SAMD13: variants seen among roughly 807,000 people sequenced by gnomAD.
SAMD13 encodes sterile alpha motif domain containing 13.
In SAMD13, 9 loss-of-function variants were observed where a neutral mutation model predicts 12.4. The ratio of observed to expected loss-of-function variants is 0.72; its 90% confidence interval spans 0.44 to 1.26. The LOEUF is 1.26. Ranked by LOEUF, SAMD13 falls within the 50% of genes most tolerant of loss-of-function variation. SAMD13 has a pLI of 0.00. For synonymous variants in SAMD13, 46 were observed against 45.4 expected (o/e 1.01, Z -0.05); for missense variants, 84 against 119.6 (o/e 0.70, Z 1.39).
At chr1:84,310,075 A>G (rs1363031905) in intron 2 of SAMD13, among the ~76,000 whole-genome samples, 1 of 152,208 alleles carries the variant, frequency 6.6e-6, no homozygotes, top group Non-Finnish European at 1.5e-5. Flanking sequence ...ACAGAAATAA[A>G]ATCTGAGCCG....
At chr1:84,339,332 G>C (rs1475834165) in intron 3 of SAMD13, among the ~76,000 whole-genome samples, 2 of 151,428 alleles carry the variant, frequency 1.3e-5, no homozygotes, top group Non-Finnish European at 2.9e-5. Flanking sequence ...TTCTTCTTCA[G>C]TCTTTGAAAT....
chr1:84,343,502 C>T (rs1679470933), intron 3 of SAMD13, among the ~76,000 whole-genome samples: 1 of 152,200 alleles, frequency 6.6e-6, no homozygotes, highest in Non-Finnish European at 1.5e-5. Flanking sequence ...GGTACATAGA[C>T]ACCATGGAAT....
At chr1:84,298,591 A>C, upstream of SAMD13, 1 of 1,284,540 alleles carries the variant, frequency 7.8e-7, no homozygotes, top group Non-Finnish European at 9.9e-7. Flanking sequence ...CTGTGCGCCC[A>C]GGGCGTGGGA....
intron 3 of SAMD13, among the ~76,000 whole-genome samples, chr1:84,338,452 T>TTTTTTTTTTTTTTTTTTTTTC (rs1365408385): frequency 6.8e-6 from 1 of 146,400 alleles, no homozygotes; most frequent in African/African-American, 2.6e-5. Context: ...TTTTTTTTTT[T>TTTTTTTTTTTTTTTTTTTTTC]TTTAAGATGG....
chr1:84,303,505 AAAGGTT>A (rs1350452782), intron 2 of SAMD13: 2 of 417,230 alleles, frequency 4.8e-6, no homozygotes, highest in African/African-American at 4.0e-5. Flanking sequence ...AATATATATG[AAAGGTT>A]TGTGTATCAG....
chr1:84,328,814 C>A (rs531428928), intron 3 of SAMD13, among the ~76,000 whole-genome samples: 3 of 152,104 alleles, frequency 2.0e-5, no homozygotes, highest in Non-Finnish European at 4.4e-5. Context: ...AAGGTCACAG[C>A]GCTGAGAAAC....
intron 3 of SAMD13, among the ~76,000 whole-genome samples, chr1:84,327,200 G>A (rs1469928066): frequency 6.6e-6 from 1 of 151,948 alleles, no homozygotes; most frequent in Non-Finnish European, 1.5e-5. Flanking sequence ...ACATCAATAG[G>A]AGAATGAATA....
intron 3 of SAMD13, among the ~76,000 whole-genome samples, chr1:84,327,540 T>G (rs1679084505): frequency 6.6e-6 from 1 of 152,112 alleles, no homozygotes; most frequent in African/African-American, 2.4e-5. Context: ...CATGGGTCAC[T>G]GCTTGCTAAT....
At chr1:84,345,767 C>T (rs1249327352) in intron 3 of SAMD13, among the ~76,000 whole-genome samples, 1 of 152,180 alleles carries the variant, frequency 6.6e-6, no homozygotes, top group Non-Finnish European at 1.5e-5. Context: ...TCACAAATAG[C>T]TTCAATTCAG....
chr1:84,333,853 A>T (rs1291986724), intron 3 of SAMD13, among the ~76,000 whole-genome samples: 1 of 152,100 alleles, frequency 6.6e-6, no homozygotes, highest in Non-Finnish European at 1.5e-5. Flanking sequence ...GATGAATCAC[A>T]TATATTGATC....
At chr1:84,325,804 C>T (rs1053897397) in intron 3 of SAMD13, 56 bp downstream of exon 3, 24 of 1,065,778 alleles carry the variant, frequency 2.3e-5, no homozygotes, top group Non-Finnish European at 3.5e-5. Context: ...CAGTTACCTC[C>T]CTTCCCAACA....
chr1:84,306,580 C>A (rs997008274), intron 2 of SAMD13, among the ~76,000 whole-genome samples: 2 of 140,436 alleles, frequency 1.4e-5, no homozygotes, highest in African/African-American at 2.6e-5. Flanking sequence ...GGGCAGATCA[C>A]TTGAGATCAA....
chr1:84,342,701 TAACTC>T (rs1679454970), intron 3 of SAMD13, among the ~76,000 whole-genome samples: 1 of 151,896 alleles, frequency 6.6e-6, no homozygotes, highest in South Asian at 2.1e-4. Context: ...TATACAAAAT[TAACTC>T]AAGATGGATT....
At chr1:84,313,345 C>T (rs569139435) in intron 2 of SAMD13, among the ~76,000 whole-genome samples, 14 of 152,054 alleles carry the variant, frequency 9.2e-5, no homozygotes, top group East Asian at 5.8e-4. Context: ...AACTTTGGTA[C>T]GTGACACACT....
In SAMD13 at chr1:84,325,724, G is replaced by A; in HGVS notation, c.141G>A (p.Glu47=). Residue 47 remains glutamate (E), a synonymous_variant, in exon 3 of 4, where the codon GAG becomes GAA. Coordinates refer to ENST00000394834, the MANE Select transcript of SAMD13 (RefSeq NM_001134663.2). ...ATTTCCGAACCGTGGGATTTGAGGA[G>A]CAAGCTAGTGCTTTTCAGGAACAGG... ...VNYFRTVGFE[E]QASAFQEQEI... 1 of 1,611,810 alleles carries A rather than the reference G, an allele frequency of 6.2e-7. No individual in the cohort carries two copies. The highest frequency in any genetic ancestry group is 8.5e-7 in the Non-Finnish European group (1 of 1,178,092).
At chr1:84,312,635 G>C (rs1678740025) in intron 2 of SAMD13, among the ~76,000 whole-genome samples, 1 of 152,008 alleles carries the variant, frequency 6.6e-6, no homozygotes, top group African/African-American at 2.4e-5. Context: ...CTACCAGAGA[G>C]GACACATGAA....
At chr1:84,300,021 C>A (rs953246204), upstream of SAMD13, among the ~76,000 whole-genome samples, 3 of 152,138 alleles carry the variant, frequency 2.0e-5, no homozygotes, top group Non-Finnish European at 4.4e-5. Context: ...GCTGAACATG[C>A]TTTTGTTCTG....
At chr1:84,327,337 C>T (rs923949804) in intron 3 of SAMD13, among the ~76,000 whole-genome samples, 1 of 152,074 alleles carries the variant, frequency 6.6e-6, no homozygotes, top group Non-Finnish European at 1.5e-5. Context: ...CCTTACATAA[C>T]TGAGTTCATA....
chr1:84,326,955 G>A (rs1679073842), intron 3 of SAMD13, among the ~76,000 whole-genome samples: 1 of 152,130 alleles, frequency 6.6e-6, no homozygotes, highest in Admixed American at 6.6e-5. Context: ...TACCAGAAGA[G>A]CTAAAATGAG....
Sources: gnomAD v4.1 joint callset for allele counts (sites outside exome capture counted in the v4.1 genomes callset) on GRCh38, gnomAD v4.1.1 for gene constraint, MANE v1.5 for transcripts, NCBI Gene and HGNC (gene_info 2026-07-23, HGNC 2026-07-21) for gene names.